The following NAV3 variants were observed in gnomAD, a reference collection of about 807,000 sequenced individuals.
NAV3 encodes pore membrane and/or filament interacting like protein 1.
In NAV3, 87 loss-of-function variants were observed where a neutral mutation model predicts 244.7. The observed-to-expected ratio is 0.36, with a 90% CI of 0.30 to 0.42. NAV3 has a LOEUF of 0.42. NAV3 is among the 20% of genes least tolerant of loss of function. The pLI, the probability that NAV3 is intolerant of heterozygous loss-of-function variation, is 1.00. For missense variants in NAV3, 2,663 were observed against 2,893.3 expected (o/e 0.92, Z 1.83); for synonymous variants, 1,126 against 1,042.2 (o/e 1.08, Z -1.55).
rs182566892 is a variant in NAV3 at position 77,831,794 on chromosome 12, T to C, written c.243+90T>C. On this transcript the variant is annotated intron_variant, in intron 1 of 39. Coordinates refer to ENST00000397909, the MANE Select transcript of NAV3 (RefSeq NM_001024383.2). Reference sequence around the variant, plus strand: ...ATAAAACATGTTATGAAATGGGGAGTAGTAGAGGAATACCAGTGTAAGGAT... The same window carrying C: ...ATAAAACATGTTATGAAATGGGGAGCAGTAGAGGAATACCAGTGTAAGGAT... The C allele has an allele frequency of 3.4e-5, 48 of 1,399,394 alleles. No homozygotes were observed. In the East Asian group the frequency reaches 8.5e-4, roughly 25 times the overall value. The allele number at this position is 1,399,394 out of a possible 1,614,324, so 86.7% of individuals were successfully genotyped here.
intron 9 of NAV3, among the ~76,000 whole-genome samples, chr12:78,030,618 T>G (rs1179981530): frequency 6.6e-6 from 1 of 152,160 alleles, no homozygotes; most frequent in Non-Finnish European, 1.5e-5. Context: ...TTTCAGTAAT[T>G]ATCACCTGGC....
intron 2 of NAV3, among the ~76,000 whole-genome samples, chr12:77,743,204 C>G (rs541549974): frequency 6.6e-6 from 1 of 151,922 alleles, no homozygotes; most frequent in South Asian, 2.1e-4. Context: ...CTCTAGCTTA[C>G]CTTAGCATAA....
chr12:77,730,755 G>T (rs909406492), intron 2 of NAV3, among the ~76,000 whole-genome samples: 1 of 151,030 alleles, frequency 6.6e-6, no homozygotes, highest in South Asian at 2.1e-4. Flanking sequence ...GAATGGGATG[G>T]CATAGTGCTT....
At chr12:77,818,840 T>C (rs930436987) in intron 2 of NAV3, among the ~76,000 whole-genome samples, 5 of 152,234 alleles carry the variant, frequency 3.3e-5, no homozygotes, top group African/African-American at 1.2e-4. Context: ...ATATAAAGAA[T>C]ATGAAAATAA....
intron 34 of NAV3, among the ~76,000 whole-genome samples, chr12:78,192,436 T>C (rs1959024691): frequency 6.6e-6 from 1 of 151,612 alleles, no homozygotes; most frequent in African/African-American, 2.4e-5. Flanking sequence ...GACAGAGTCT[T>C]GCTCTGTTGC....
chr12:77,963,811 G>A (rs1892249909), intron 3 of NAV3, among the ~76,000 whole-genome samples: 1 of 151,854 alleles, frequency 6.6e-6, no homozygotes, highest in African/African-American at 2.4e-5. Context: ...TCGATCATTT[G>A]TTGTTGTTGT....
chr12:78,023,923 C>T (rs1003290497), intron 9 of NAV3, among the ~76,000 whole-genome samples: 8 of 152,102 alleles, frequency 5.3e-5, no homozygotes, highest in African/African-American at 1.7e-4. Flanking sequence ...GTTGCAGTCC[C>T]TCCTGAGCTT....
At chr12:78,170,435 A>G (rs1461083021) in intron 24 of NAV3, among the ~76,000 whole-genome samples, 2 of 151,638 alleles carry the variant, frequency 1.3e-5, no homozygotes, top group East Asian at 3.9e-4. Context: ...AACCATGACC[A>G]CAAACCCCTA....
At chr12:77,791,244 C>T (rs575702620) in intron 2 of NAV3, among the ~76,000 whole-genome samples, 1 of 151,390 alleles carries the variant, frequency 6.6e-6, no homozygotes, top group East Asian at 2.0e-4. Context: ...ATCCCAACTA[C>T]TCAGGAGGCT....
At chr12:78,053,767 C>T (rs1236000528) in intron 11 of NAV3, among the ~76,000 whole-genome samples, 1 of 152,138 alleles carries the variant, frequency 6.6e-6, no homozygotes, top group Non-Finnish European at 1.5e-5. Context: ...CAGAGTATCA[C>T]TTTATTTAGC....
intron 11 of NAV3, among the ~76,000 whole-genome samples, chr12:78,053,759 G>T (rs889475772): frequency 7.9e-5 from 12 of 152,074 alleles, no homozygotes; most frequent in Non-Finnish European, 1.5e-4. Context: ...CAAGAACACA[G>T]AGTATCACTT....
At chr12:78,154,553 G>A (rs975311073) in intron 22 of NAV3, among the ~76,000 whole-genome samples, 4 of 151,168 alleles carry the variant, frequency 2.6e-5, no homozygotes, top group African/African-American at 9.7e-5. Flanking sequence ...TACATTGTAT[G>A]ATTCCAAAAC....
chr12:78,086,049 G>A (rs1289572737), intron 12 of NAV3, among the ~76,000 whole-genome samples: 1 of 152,024 alleles, frequency 6.6e-6, no homozygotes, highest in African/African-American at 2.4e-5. Flanking sequence ...CCAAGATTGG[G>A]TAAGTTACTT....
At chr12:78,188,821 CA>C (rs531283540) in intron 33 of NAV3, 44 bp downstream of exon 33, 1 of 1,586,768 alleles carries the variant, frequency 6.3e-7, no homozygotes, top group Non-Finnish European at 8.6e-7. Context: ...TAATTTTTAG[CA>C]ACATTTTATT....
intron 3 of NAV3, among the ~76,000 whole-genome samples, chr12:77,947,191 C>T (rs1034201243): frequency 9.2e-5 from 14 of 151,974 alleles, no homozygotes; most frequent in South Asian, 2.1e-4. Flanking sequence ...ATTCCATGTC[C>T]GATAGGGTTA....
At chr12:77,666,824 G>C (rs1277888240) in intron 2 of NAV3, among the ~76,000 whole-genome samples, 1 of 152,096 alleles carries the variant, frequency 6.6e-6, no homozygotes, top group African/African-American at 2.4e-5. Context: ...TCTATCTGCT[G>C]CTTGTCGTGT....
At chr12:77,891,894 TC>T in intron 1 of NAV3, among the ~76,000 whole-genome samples, 1 of 152,302 alleles carries the variant, frequency 6.6e-6, no homozygotes, top group Middle Eastern at 3.4e-3. Flanking sequence ...CTTCATTCTC[TC>T]CCTTCTTTGC....
At position 78,119,671 on chromosome 12, in the gene NAV3, A is replaced by T; in HGVS notation, c.3475A>T (p.Thr1159Ser). ...TGGCCGAGGAGGCCACAGATCCAGTACCAGCAGTATTGATTCCAACGTCAG... is the reference window on the plus strand; with the variant it reads ...TGGCCGAGGAGGCCACAGATCCAGTTCCAGCAGTATTGATTCCAACGTCAG... ...IPGRGGHRSS[T>S]SSIDSNVSSK... Residue 1159 changes from threonine to serine, a missense_variant, in exon 15 of 40, where the codon ACC becomes TCC. Transcript: ENST00000397909. 6 of 1,614,212 alleles carry T rather than the reference A, an allele frequency of 3.7e-6. No homozygotes were observed. Among genetic ancestry groups the T allele is most frequent in the Admixed American group, 1.7e-5 (1 of 60,022 alleles).
chr12:78,130,431 C>T (rs574744677), intron 18 of NAV3: 17 of 218,606 alleles, frequency 7.8e-5, no homozygotes, highest in Middle Eastern at 1.3e-3. Context: ...TCTGCATGCT[C>T]GGGAATCCCC....
Sources: gnomAD v4.1 joint callset for allele counts (sites outside exome capture counted in the v4.1 genomes callset) on GRCh38, gnomAD v4.1.1 for gene constraint, MANE v1.5 for transcripts, NCBI Gene and HGNC (gene_info 2026-07-23, HGNC 2026-07-21) for gene names.